Variants in CHRM2 observed in about 807,000 individuals in gnomAD.
CHRM2 encodes the protein muscarinic acetylcholine receptor M2.
A neutral mutation model predicts 25.0 loss-of-function variants in CHRM2; 8 were observed. That is an observed-to-expected ratio of 0.32 (90% CI 0.19 to 0.58). CHRM2 has a LOEUF of 0.58. CHRM2 is among the 20% of genes least tolerant of loss of function. CHRM2 has a pLI of 0.88. For missense variants in CHRM2, 440 were observed against 567.1 expected (o/e 0.78, Z 2.28); for synonymous variants, 202 against 205.7 (o/e 0.98, Z 0.15).
chr7:136,967,797 A>G (rs537299396), intron 2 of CHRM2, among the ~76,000 whole-genome samples: 32 of 152,084 alleles, frequency 2.1e-4, no homozygotes, highest in South Asian at 1.2e-3. Context: ...TGTCAGCTCC[A>G]CTGAAACTAC....
chr7:136,903,754 A>G (rs1203109832), intron 2 of CHRM2, among the ~76,000 whole-genome samples: 4 of 151,946 alleles, frequency 2.6e-5, no homozygotes, highest in Non-Finnish European at 5.9e-5. Context: ...ATGTTAATTA[A>G]TAATGCTGAA....
At chr7:136,916,134 T>C (rs78562755) in intron 2 of CHRM2, among the ~76,000 whole-genome samples, 66 of 115,692 alleles carry the variant, frequency 5.7e-4, no homozygotes, top group African/African-American at 1.7e-3. Flanking sequence ...GAGAATATTG[T>C]TCTAACTTTC....
At chr7:136,995,890 C>T (rs1217243340) in intron 3 of CHRM2, among the ~76,000 whole-genome samples, 1 of 151,570 alleles carries the variant, frequency 6.6e-6, no homozygotes, top group East Asian at 1.9e-4. Flanking sequence ...AAATAAAACA[C>T]TAATAAGTTG....
chr7:136,962,148 T>G (rs1801128032), intron 2 of CHRM2, among the ~76,000 whole-genome samples: 1 of 152,116 alleles, frequency 6.6e-6, no homozygotes, highest in Admixed American at 6.6e-5. Flanking sequence ...TCTGTTTTTT[T>G]TTTTTAGACA....
chr7:137,009,613 G>C (rs1350636155), intron 3 of CHRM2, among the ~76,000 whole-genome samples: 2 of 152,038 alleles, frequency 1.3e-5, no homozygotes, highest in African/African-American at 2.4e-5. Flanking sequence ...GTGAGCAGTA[G>C]CAGCTACATG....
At position 137,006,291 on chromosome 7, in the gene CHRM2, G is replaced by A. The variant is rs551628471; in HGVS notation, c.-46-8529G>A. ...GGCAGGAGTTGTATATTGTGTGAAC[G>A]AATTAATGAAAAGGTGCCATGGATG... On this transcript the variant is annotated intron_variant, in intron 3 of 3. Transcript: ENST00000680005. Among the ~76,000 whole-genome samples the A allele has an allele frequency of 3.9e-5, 6 of 152,168 alleles. No homozygotes were observed. In the East Asian group the frequency reaches 5.8e-4, roughly 15 times the overall value.
intron 2 of CHRM2, chr7:136,938,685 G>A: frequency 3.9e-6 from 3 of 775,674 alleles, no homozygotes; most frequent in East Asian, 2.6e-5. Flanking sequence ...AAGGCCCAGG[G>A]GCCAGAGGTG....
chr7:137,008,344 T>G (rs1176347281), intron 3 of CHRM2, among the ~76,000 whole-genome samples: 1 of 152,126 alleles, frequency 6.6e-6, no homozygotes, highest in Non-Finnish European at 1.5e-5. Context: ...TTATGTTTTC[T>G]TTAGTAATAA....
intron 2 of CHRM2, among the ~76,000 whole-genome samples, chr7:136,874,758 T>A (rs1207438620): frequency 1.3e-5 from 2 of 152,162 alleles, no homozygotes; most frequent in Non-Finnish European, 2.9e-5. Flanking sequence ...AATATGTTTT[T>A]AAGCAAAGAG....
chr7:136,892,906 G>A (rs888583776), intron 2 of CHRM2, among the ~76,000 whole-genome samples: 1 of 152,110 alleles, frequency 6.6e-6, no homozygotes, highest in Admixed American at 6.5e-5. Context: ...CTGACCTCAG[G>A]TCTCCCAAAG....
In CHRM2 at chr7:137,015,085, G is replaced by A; in HGVS notation, c.220G>A (p.Val74Ile). The stretch of plus-strand genomic sequence containing the variant: ...GGCCTGTGCTGACCTTATCATAGGT[G>A]TTTTCTCCATGAACTTGTACACCCT... Reference protein sequence around the residue: ...SLACADLIIGVFSMNLYTLYT... With the variant: ...SLACADLIIGIFSMNLYTLYT... Residue 74 changes from valine (V) to isoleucine (I), a missense_variant, in exon 4 of 4, where the codon GTT becomes ATT. Val to Ile is a conservative substitution (Grantham distance 29). This residue lies in a region of CHRM2 where 86 missense variants were observed against 124.9 expected (regional missense o/e 0.69). Coordinates refer to ENST00000680005, the MANE Select transcript of CHRM2 (RefSeq NM_001006630.2). The surrounding 1 kb of genome is among the most constrained non-coding windows in gnomAD (Gnocchi z 5.1). The A allele has an allele frequency of 6.2e-7, 1 of 1,613,488 alleles. No homozygotes were observed.
At chr7:136,885,194 C>T (rs184566144) in intron 2 of CHRM2, among the ~76,000 whole-genome samples, 2 of 152,322 alleles carry the variant, frequency 1.3e-5, no homozygotes, top group Admixed American at 1.3e-4. Flanking sequence ...AGTTTATCAT[C>T]CCTCCTTAGC....
chr7:136,986,810 C>A (rs1365829610), intron 2 of CHRM2, among the ~76,000 whole-genome samples: 1 of 152,040 alleles, frequency 6.6e-6, no homozygotes, highest in Admixed American at 6.6e-5. Context: ...CTATAGGGAC[C>A]GTTTTTGTTC....
In CHRM2 at chr7:136,978,179, C is replaced by A. The variant is rs954552678; in HGVS notation, c.-124-14008C>A. Among the ~76,000 whole-genome samples the A allele has an allele frequency of 2.6e-5, 4 of 152,034 alleles. No individual in the cohort carries two copies. In the South Asian group the frequency reaches 8.3e-4, roughly 32 times the overall value. On this transcript the variant is annotated intron_variant, in intron 2 of 3. Coordinates refer to ENST00000680005, the MANE Select transcript of CHRM2 (RefSeq NM_001006630.2). ...CAAACCATAGAGCCATACAACATAC[C>A]CACGCAATAAATCTCCCTTTGTAAC...
intron 3 of CHRM2, among the ~76,000 whole-genome samples, chr7:136,996,699 T>C (rs1447957175): frequency 6.6e-6 from 1 of 152,146 alleles, no homozygotes; most frequent in Non-Finnish European, 1.5e-5. Context: ...TTAATGAAAT[T>C]ATAGTATGCC....
rs1036879454 is a variant in CHRM2, at chr7:136,908,471, G to T, written c.-125+39053G>T. On this transcript the variant is annotated intron_variant, in intron 2 of 3. Coordinates refer to ENST00000680005, the MANE Select transcript of CHRM2 (RefSeq NM_001006630.2). ...TTATTGCAATACCTCTCTGTTAATTGGATTTTTAAATATAGACTGTGGTGA... is the reference window on the plus strand; with the variant it reads ...TTATTGCAATACCTCTCTGTTAATTTGATTTTTAAATATAGACTGTGGTGA... Among the ~76,000 whole-genome samples the T allele has an allele frequency of 2.6e-5, 4 of 151,926 alleles. 1 individual carries two copies. Among genetic ancestry groups the T allele is most frequent in the South Asian group, 2.1e-4 (1 of 4,826 alleles).
intron 2 of CHRM2, among the ~76,000 whole-genome samples, chr7:136,986,875 T>C (rs1802890922): frequency 6.6e-6 from 1 of 152,178 alleles, no homozygotes; most frequent in Non-Finnish European, 1.5e-5. Context: ...GTATATGAAA[T>C]ACACCCTTCT....
chr7:136,888,849 A>T (rs548605236), intron 2 of CHRM2, among the ~76,000 whole-genome samples: 1 of 152,132 alleles, frequency 6.6e-6, no homozygotes, highest in South Asian at 2.1e-4. Context: ...GATCGAGACC[A>T]TCCTGGCTAA....
intron 2 of CHRM2, among the ~76,000 whole-genome samples, chr7:136,991,502 T>C (rs575056375): frequency 1.3e-5 from 2 of 152,284 alleles, no homozygotes; most frequent in African/African-American, 4.8e-5. Context: ...TTGTCTATTA[T>C]TTTGCCAATA....
Sources: gnomAD v4.1 joint callset for allele counts (sites outside exome capture counted in the v4.1 genomes callset) on GRCh38, gnomAD v4.1.1 for gene constraint, gnomAD v4.1.1 regional missense constraint, Gnocchi (gnomAD v3.1) non-coding constraint, MANE v1.5 for transcripts, NCBI Gene and HGNC (gene_info 2026-07-23, HGNC 2026-07-21) for gene names.